PKHD1L1: variants seen among roughly 807,000 people sequenced by gnomAD.
The protein encoded by PKHD1L1 is fibrocystin-L.
PKHD1L1 carries 434 observed loss-of-function variants against 462.9 expected under a neutral mutation model. That is an observed-to-expected ratio of 0.94 (90% CI 0.87 to 1.02). PKHD1L1 has a LOEUF of 1.02. Ranked by LOEUF, PKHD1L1 falls within the 50% of genes least tolerant of loss-of-function variation. The pLI, the probability that PKHD1L1 is intolerant of heterozygous loss-of-function variation, is 0.00. For missense variants in PKHD1L1, 5,202 were observed against 5,096.1 expected (o/e 1.02, Z -0.63); for synonymous variants, 1,781 against 1,750.0 (o/e 1.02, Z -0.44).
rs186707947 is a variant in PKHD1L1, at chr8:109,475,445, T to G, written c.8757+176T>G. 6.6e-3 allele frequency among the ~76,000 whole-genome samples: 997 copies of G among 152,132 alleles called. 12 individuals carry two copies. The highest frequency in any genetic ancestry group is 0.023 in the African/African-American group (959 of 41,536). Reference sequence around the variant, plus strand: ...GAATCTAAGAAGTAAGCCAAAAAAATCTCATTTGAGAATCAGAAGTAAGCA... The same window carrying G: ...GAATCTAAGAAGTAAGCCAAAAAAAGCTCATTTGAGAATCAGAAGTAAGCA... On this transcript the variant is annotated intron_variant, in intron 51 of 77. Transcript: ENST00000378402.
rs1488975903 is a variant in PKHD1L1, at chr8:109,464,227, TG to T, written c.7397del (p.Gly2466AlafsTer25). The T allele has an allele frequency of 6.3e-7, 1 of 1,593,492 alleles. No homozygotes were observed. The highest frequency in any genetic ancestry group is 8.6e-7 in the Non-Finnish European group (1 of 1,165,086). On this transcript the variant is annotated frameshift_variant, in exon 49 of 78. Coordinates refer to ENST00000378402, the MANE Select transcript of PKHD1L1 (RefSeq NM_177531.6). LOFTEE classifies it high-confidence loss of function. ...TCTGGGCTTAACAGGTATTCCATGC[TG>T]GCCAGGCTTTCCGGTTGGGGCGATA... ...RIEYVEVFHA[G>X]QAFRLGRYPI...
intron 24 of PKHD1L1, 80 bp from the exon 25 acceptor site, chr8:109,426,922 A>T: frequency 2.5e-6 from 2 of 809,938 alleles, no homozygotes; most frequent in Non-Finnish European, 4.2e-6. Flanking sequence ...CAAAGTGCTA[A>T]GATTACAGGC....
chr8:109,473,992 T>G (rs1175971196), intron 50 of PKHD1L1, among the ~76,000 whole-genome samples: 3 of 152,148 alleles, frequency 2.0e-5, no homozygotes, highest in Non-Finnish European at 1.5e-5. Context: ...CAGGGAAGTC[T>G]ACTTTGCCCT....
At chr8:109,442,838 C>A in intron 35 of PKHD1L1, 108 bp from the exon 36 acceptor site, 9 of 1,017,322 alleles carry the variant, frequency 8.8e-6, no homozygotes, top group Non-Finnish European at 1.3e-5. Context: ...AAATAAGAAA[C>A]TGTCATCTGT....
chr8:109,444,125 A>C lies in PKHD1L1; in HGVS notation c.4791+223A>C, dbSNP rs536351070. On this transcript the variant is annotated intron_variant, in intron 37 of 77. Transcript: ENST00000378402. ...AACATTTTCATTACCTCCCCCCCCCAAAAAAAACCCTAAAGCCCTTAGATA... is the reference window on the plus strand; with the variant it reads ...AACATTTTCATTACCTCCCCCCCCCCAAAAAAACCCTAAAGCCCTTAGATA... Among the ~76,000 whole-genome samples the C allele has an allele frequency of 1.1e-3, 150 of 136,134 alleles. 1 individual carries two copies. The highest frequency in any genetic ancestry group is 5.2e-3 in the South Asian group (21 of 4,010). 89.3% of individuals were successfully genotyped at this position (136,134 alleles called of 152,430 possible). A position where few individuals can be genotyped will look rare whatever the true frequency, so the allele number is the denominator to read the frequency against.
At chr8:109,415,705 T>C (rs1209491647) in intron 21 of PKHD1L1, among the ~76,000 whole-genome samples, 4 of 151,882 alleles carry the variant, frequency 2.6e-5, no homozygotes, top group Admixed American at 1.3e-4. Context: ...AAAAATTAGC[T>C]GGGCATGGTG....
In PKHD1L1 at chr8:109,480,441, A is replaced by G. The variant is rs1220030565; in HGVS notation, c.9327+302A>G. On this transcript the variant is annotated intron_variant, in intron 55 of 77. Coordinates refer to ENST00000378402, the MANE Select transcript of PKHD1L1 (RefSeq NM_177531.6). ...GGCTAAACCAACAGCTTGTTCCAAC[A>G]AAGAGTCCTAGGAGTTCTGAAACAA... 4 of 414,148 alleles carry G rather than the reference A, an allele frequency of 9.7e-6. No individual in the cohort carries two copies. The Admixed American group carries it at 1.3e-4, about 14-fold the overall frequency. The allele number at this position is 414,148 out of a possible 1,614,324, so 25.7% of individuals were successfully genotyped here.
Position 109,456,334 on chromosome 8 carries a change from A to G in PKHD1L1, c.6947A>G (p.Gln2316Arg), listed in dbSNP as rs1304152657. The G allele has an allele frequency of 1.2e-6, 2 of 1,611,274 alleles. No individual in the cohort carries two copies. Among genetic ancestry groups the G allele is most frequent in the African/African-American group, 1.3e-5 (1 of 75,022 alleles). Residue 2316 changes from glutamine (Q) to arginine (R), a missense_variant, in exon 46 of 78, where the codon CAA becomes CGA. Physicochemically the swap from Gln to Arg is conservative, Grantham distance 43. Transcript: ENST00000378402. ...GCAGGGGAAAGAATTTTAATTTTAC[A>G]AGAAGCAGTAACATGGAAACCAGGA... ...AKAGERILILQEAVTWKPGDN... is the reference protein window; with the variant it reads ...AKAGERILILREAVTWKPGDN...
chr8:109,409,610 T>C (rs966352089), intron 18 of PKHD1L1, among the ~76,000 whole-genome samples: 12 of 152,256 alleles, frequency 7.9e-5, no homozygotes, highest in African/African-American at 2.9e-4. Flanking sequence ...ATGTCTGCCT[T>C]ATAACTAAGT....
Position 109,429,324 on chromosome 8 carries a change from T to C in PKHD1L1, c.3001-16T>C. The C allele has an allele frequency of 2.0e-6, 3 of 1,476,808 alleles. No homozygotes were observed. The highest frequency in any genetic ancestry group is 2.8e-6 in the Non-Finnish European group (3 of 1,082,812). 91.5% of individuals were successfully genotyped at this position (1,476,808 alleles called of 1,614,324 possible). A position where few individuals can be genotyped will look rare whatever the true frequency, so the allele number is the denominator to read the frequency against. ...TGTTATAACCTTTCTAGTAAAATAA[T>C]TGTGTGTAAAAATAGATTAATGATT... On this transcript the variant is annotated splice_polypyrimidine_tract_variant and intron_variant, in intron 25 of 77. Transcript: ENST00000378402.
At chr8:109,384,224 A>C in intron 5 of PKHD1L1, 97 bp downstream of exon 5, 1 of 979,850 alleles carries the variant, frequency 1.0e-6, no homozygotes. Context: ...GCAATTTTTA[A>C]ATAGCATTTT....
At chr8:109,427,555 G>C (rs996318338) in intron 25 of PKHD1L1, among the ~76,000 whole-genome samples, 5 of 152,064 alleles carry the variant, frequency 3.3e-5, no homozygotes, top group African/African-American at 1.2e-4. Flanking sequence ...TTGGGGCCTT[G>C]GATACTTTTG....
intron 2 of PKHD1L1, among the ~76,000 whole-genome samples, chr8:109,365,509 A>AT (rs1223766458): frequency 1.3e-5 from 2 of 152,108 alleles, no homozygotes; most frequent in East Asian, 3.8e-4. Flanking sequence ...TTAAAGTGTT[A>AT]TTTTTTAGAG....
rs1818462635 is a variant in PKHD1L1, at chr8:109,485,139, C to T, written c.9672C>T (p.Leu3224=). Residue 3224 remains leucine (L), a synonymous_variant, in exon 58 of 78, where the codon CTC becomes CTT. Coordinates refer to ENST00000378402, the MANE Select transcript of PKHD1L1 (RefSeq NM_177531.6). The stretch of plus-strand genomic sequence containing the variant: ...AAATCCTGCATGATCATAAAATTCT[C>T]ATTCTTAATGATAGCCTTTCCTATA... ...IVKILHDHKI[L]ILNDSLSYTH... 1 of 1,595,480 alleles carries T rather than the reference C, an allele frequency of 6.3e-7. No homozygotes were observed. Among genetic ancestry groups the T allele is most frequent in the Non-Finnish European group, 8.5e-7 (1 of 1,169,880 alleles).
chr8:109,455,230 T>C (rs575904746), intron 45 of PKHD1L1, among the ~76,000 whole-genome samples: 87 of 152,230 alleles, frequency 5.7e-4, no homozygotes, highest in African/African-American at 2.0e-3. Flanking sequence ...CCCAGCTACT[T>C]AGGAGGCTGA....
intron 2 of PKHD1L1, among the ~76,000 whole-genome samples, chr8:109,370,797 T>C (rs534322981): frequency 4.7e-4 from 71 of 152,180 alleles, no homozygotes; most frequent in Non-Finnish European, 8.7e-4. Context: ...CTGAGAATGA[T>C]GGTTTCCAGC....
chr8:109,369,875 A>T (rs564718018), intron 2 of PKHD1L1, among the ~76,000 whole-genome samples: 3 of 152,318 alleles, frequency 2.0e-5, no homozygotes, highest in Admixed American at 6.5e-5. Flanking sequence ...GTCAATGCAA[A>T]TGTCTCTCAC....
chr8:109,453,024 A>C lies in PKHD1L1; in HGVS notation c.6664+150A>C, dbSNP rs546165639. 1.5e-4 allele frequency: 93 copies of C among 611,478 alleles called. No homozygotes were observed. In the African/African-American group the frequency reaches 1.6e-3, roughly 11 times the overall value. 37.9% of individuals were successfully genotyped at this position (611,478 alleles called of 1,614,324 possible). A position where few individuals can be genotyped will look rare whatever the true frequency, so the allele number is the denominator to read the frequency against. Reference sequence around the variant, plus strand: ...CTGGGCTTTCTAAATTGAGTATTACAATCCATTTGTGATTATGATATTATT... The same window carrying C: ...CTGGGCTTTCTAAATTGAGTATTACCATCCATTTGTGATTATGATATTATT... On this transcript the variant is annotated intron_variant, in intron 43 of 77. Transcript: ENST00000378402.
Position 109,419,258 on chromosome 8 carries a change from A to G in PKHD1L1, c.2522A>G (p.Asp841Gly), listed in dbSNP as rs762582232. 11 of 1,591,906 alleles carry G rather than the reference A, an allele frequency of 6.9e-6. No individual in the cohort carries two copies. The South Asian group carries it at 1.1e-4, about 16-fold the overall frequency. Reference protein sequence around the residue: ...IGHTSTISTLDEMPKRRLPAL... With the variant: ...IGHTSTISTLGEMPKRRLPAL... ...CACACATCTACAATCTCAACATTGG[A>G]TGGTATGTTGTATCATTTTATCTCT... The change falls in exon 22 of 78, where the codon GAT becomes GGT. Residue 841 changes from aspartate (D) to glycine (G), a missense_variant and splice_region_variant. Physicochemically the swap from Asp to Gly is moderately conservative, Grantham distance 94 (BLOSUM62 -1). This residue lies in a region of PKHD1L1 where 4,497 missense variants were observed against 4,336.8 expected (regional missense o/e 1.04). Coordinates refer to ENST00000378402, the MANE Select transcript of PKHD1L1 (RefSeq NM_177531.6).
Sources: gnomAD v4.1 joint callset for allele counts (sites outside exome capture counted in the v4.1 genomes callset) on GRCh38, gnomAD v4.1.1 for gene constraint, gnomAD v4.1.1 regional missense constraint, MANE v1.5 for transcripts, NCBI Gene and HGNC (gene_info 2026-07-23, HGNC 2026-07-21) for gene names.